ANTXRL: variants seen among roughly 807,000 people sequenced by gnomAD.
ANTXRL encodes anthrax toxin receptor-like.
A neutral mutation model predicts 75.4 loss-of-function variants in ANTXRL; 63 were observed. The ratio of observed to expected loss-of-function variants is 0.84; its 90% confidence interval spans 0.68 to 1.03. The LOEUF is 1.03. ANTXRL is among the 50% of genes least tolerant of loss of function. The probability of loss-of-function intolerance (pLI) is 0.00; values close to 1 mark genes in which losing one functional copy is unlikely to be tolerated. For synonymous variants in ANTXRL, 335 were observed against 291.3 expected (o/e 1.15, Z -1.53); for missense variants, 797 against 789.4 (o/e 1.01, Z -0.12).
At chr10:46,314,398 G>T (rs1838605766) in intron 16 of ANTXRL, among the ~76,000 whole-genome samples, 1 of 152,050 alleles carries the variant, frequency 6.6e-6, no homozygotes, top group Non-Finnish European at 1.5e-5. Context: ...GCCCAGTTCC[G>T]GTCACATGGC....
At chr10:46,316,935 T>C (rs111795095) in intron 16 of ANTXRL, among the ~76,000 whole-genome samples, 6,952 of 152,130 alleles carry the variant, frequency 0.046, 549 homozygotes, top group African/African-American at 0.16. Flanking sequence ...TCTCTATGGG[T>C]GCTGTGTGAG....
rs1554967096 is a variant in ANTXRL at position 46,329,601 on chromosome 10, G to T, written c.1413G>T (p.Gly471=). 2 of 1,535,370 alleles carry T rather than the reference G, an allele frequency of 1.3e-6. No homozygotes were observed. Among genetic ancestry groups the T allele is most frequent in the Non-Finnish European group, 1.7e-6 (2 of 1,146,052 alleles). ...TCTCTCTCTTCTCTTCCCTACAGGG[G>T]AGGTACCTCAGCTTAGCCCTTGCAC... ...PWMCCQSRDQ[G]RYLSLALAQS... Residue 471 remains glycine (G), a splice_region_variant and synonymous_variant, in exon 17 of 17, where the codon GGG becomes GGT. Coordinates refer to ENST00000620264, the MANE Select transcript of ANTXRL (RefSeq NM_001278688.3).
At chr10:46,308,574 A>G (rs115891944) in intron 12 of ANTXRL, 4,458 of 400,612 alleles carry the variant, frequency 0.011, 136 homozygotes, top group African/African-American at 0.079. Context: ...CCCGTTGCTT[A>G]TACCCCATGT....
chr10:46,322,025 G>A (rs1035393030), intron 16 of ANTXRL, among the ~76,000 whole-genome samples: 2 of 152,066 alleles, frequency 1.3e-5, no homozygotes, highest in African/African-American at 2.4e-5. Flanking sequence ...AGTAAAATGA[G>A]TTTCCTTATT....
upstream of ANTXRL, chr10:46,286,543 C>T (rs1479309609): frequency 2.0e-5 from 3 of 152,280 alleles, no homozygotes; most frequent in African/African-American, 7.2e-5. Flanking sequence ...CCCTGAGTGC[C>T]TGATCCTCAG....
rs147455311 is a variant in ANTXRL at position 46,329,845 on chromosome 10, C to G, written c.1657C>G (p.Pro553Ala). The change falls in exon 17 of 17, where the codon CCA becomes GCA. Residue 553 changes from proline to alanine, a missense_variant. Physicochemically the swap from Pro to Ala is conservative, Grantham distance 27. Coordinates refer to ENST00000620264, the MANE Select transcript of ANTXRL (RefSeq NM_001278688.3). ...CLARKQAPCSPRICLRHSPEY... is the reference protein window; with the variant it reads ...CLARKQAPCSARICLRHSPEY... ...TGCCCGCAAACAGGCTCCCTGCAGC[C>G]CAAGGATCTGCCTGAGACACAGCCC... 1 of 1,535,518 alleles carries G rather than the reference C, an allele frequency of 6.5e-7. No homozygotes were observed. The highest frequency in any genetic ancestry group is 2.0e-5 in the Admixed American group (1 of 50,816).
chr10:46,292,237 G>A, intron 2 of ANTXRL, 108 bp downstream of exon 2: 1 of 1,017,664 alleles, frequency 9.8e-7, no homozygotes. Flanking sequence ...GAGTCCTTCA[G>A]TGGGGGACAC....
At chr10:46,310,617 A>G in intron 14 of ANTXRL, 118 bp downstream of exon 14, 1 of 1,112,696 alleles carries the variant, frequency 9.0e-7, no homozygotes, top group East Asian at 2.6e-5. Context: ...AGAAGTTGAC[A>G]GAGGGGCAGA....
Position 46,296,008 on chromosome 10 carries a change from AT to A in ANTXRL, c.393-4del. 1 of 1,534,696 alleles carries A rather than the reference AT, an allele frequency of 6.5e-7. No homozygotes were observed. Among genetic ancestry groups the A allele is most frequent in the Non-Finnish European group, 8.7e-7 (1 of 1,145,800 alleles). ...CTTTCCAGGTCAACCACCTTTTTAA[AT>A]TTTTTTCAGGAATAGAATAAAAAAC... On this transcript the variant is annotated splice_polypyrimidine_tract_variant and intron_variant, in intron 3 of 16. Coordinates refer to ENST00000620264, the MANE Select transcript of ANTXRL (RefSeq NM_001278688.3).
At chr10:46,307,713 G>A (rs1286316419) in intron 12 of ANTXRL, among the ~76,000 whole-genome samples, 6 of 152,132 alleles carry the variant, frequency 3.9e-5, no homozygotes, top group African/African-American at 1.4e-4. Flanking sequence ...AGGCCCAGGA[G>A]CCCTGGAGGA....
intron 12 of ANTXRL, 67 bp from the exon 13 acceptor site, chr10:46,309,045 GC>G: frequency 1.3e-6 from 2 of 1,532,458 alleles, no homozygotes; most frequent in Non-Finnish European, 1.7e-6. Flanking sequence ...GGGCAGATGG[GC>G]CACCAAGTGG....
rs1837446584 is a variant in ANTXRL, at chr10:46,297,449, G to T, written c.629G>T (p.Gly210Val). Residue 210 changes from glycine to valine, a missense_variant, in exon 7 of 17, where the codon GGT (glycine) becomes GTT (valine). By Grantham distance (109) the Gly-to-Val change is moderately radical. This residue lies in a region of ANTXRL where 262 missense variants were observed against 271.9 expected (regional missense o/e 0.96). Transcript: ENST00000620264. ...RKLGANVYTL[G>V]VADYNLDQIT... ...CTGGGGGCCAACGTTTACACCCTGG[G>T]TGTGGCTGATTATAATCTGGATCAG... 2 of 1,535,716 alleles carry T rather than the reference G, an allele frequency of 1.3e-6. No homozygotes were observed. The highest frequency in any genetic ancestry group is 1.4e-5 in the African/African-American group (1 of 72,990).
chr10:46,306,071 C>A lies in ANTXRL; in HGVS notation c.896-732C>A, dbSNP rs1215855762. ...CCCTGCCCCCTGTCCTGGGTCACCT[C>A]TTTCCCTCCTTGACAAGGTCAGCGA... is the stretch of plus-strand genomic sequence containing the variant. On this transcript the variant is annotated intron_variant, in intron 10 of 16. Coordinates refer to ENST00000620264, the MANE Select transcript of ANTXRL (RefSeq NM_001278688.3). Among the ~76,000 whole-genome samples the A allele has an allele frequency of 4.6e-5, 7 of 152,196 alleles. 1 individual carries two copies. The highest frequency in any genetic ancestry group is 1.0e-4 in the Non-Finnish European group (7 of 68,048).
chr10:46,322,850 C>A (rs985962596), intron 16 of ANTXRL, among the ~76,000 whole-genome samples: 3 of 152,126 alleles, frequency 2.0e-5, no homozygotes, highest in African/African-American at 7.2e-5. Context: ...TAATTTAAAT[C>A]GTATATCCTA....
rs1838475874 is a variant in ANTXRL at position 46,312,327 on chromosome 10, C to G, written c.1329+662C>G. On this transcript the variant is annotated intron_variant, in intron 15 of 16. Coordinates refer to ENST00000620264, the MANE Select transcript of ANTXRL (RefSeq NM_001278688.3). ...CCCCGGAGCCAACACAACAGCCACTCTCCCTGAGGAAACCTCCTTCACGGG... is the reference window on the plus strand; with the variant it reads ...CCCCGGAGCCAACACAACAGCCACTGTCCCTGAGGAAACCTCCTTCACGGG... Among the ~76,000 whole-genome samples, 6 of 148,792 alleles carry G rather than the reference C, an allele frequency of 4.0e-5. No individual in the cohort carries two copies. In the South Asian group the frequency reaches 1.3e-3, roughly 32 times the overall value.
At chr10:46,312,158 G>C (rs1364393577) in intron 15 of ANTXRL, among the ~76,000 whole-genome samples, 1 of 150,492 alleles carries the variant, frequency 6.6e-6, no homozygotes, top group African/African-American at 2.4e-5. Context: ...CTGCCAGCCC[G>C]GGCAGCAGAA....
At chr10:46,321,857 A>G (rs566045817) in intron 16 of ANTXRL, among the ~76,000 whole-genome samples, 1 of 152,252 alleles carries the variant, frequency 6.6e-6, no homozygotes, top group Admixed American at 6.5e-5. Context: ...AGCCAATGAT[A>G]GTACCTTTGG....
chr10:46,289,403 A>C (rs1836891571), intron 1 of ANTXRL, among the ~76,000 whole-genome samples: 2 of 152,152 alleles, frequency 1.3e-5, no homozygotes, highest in East Asian at 3.9e-4. Context: ...ACCACCATCC[A>C]TCTCCAGAAA....
At chr10:46,305,714 C>T (rs1838039017) in intron 10 of ANTXRL, among the ~76,000 whole-genome samples, 1 of 151,984 alleles carries the variant, frequency 6.6e-6, no homozygotes, top group South Asian at 2.1e-4. Flanking sequence ...CTACACATTA[C>T]CGAACTCTCC....
Sources: gnomAD v4.1 joint callset for allele counts (sites outside exome capture counted in the v4.1 genomes callset) on GRCh38, gnomAD v4.1.1 for gene constraint, gnomAD v4.1.1 regional missense constraint, MANE v1.5 for transcripts, NCBI Gene and HGNC (gene_info 2026-07-23, HGNC 2026-07-21) for gene names.